HMCN1: variants seen among roughly 807,000 people sequenced by gnomAD.
The protein encoded by HMCN1 is hemicentin 1, also known as hemicentin-1.
A neutral mutation model predicts 625.9 loss-of-function variants in HMCN1; 321 were observed. The observed-to-expected ratio is 0.51, with a 90% CI of 0.47 to 0.56. HMCN1 has a LOEUF of 0.56. Ranked by LOEUF, HMCN1 falls within the 20% of genes least tolerant of loss-of-function variation. The pLI, the probability that HMCN1 is intolerant of heterozygous loss-of-function variation, is 0.00. For synonymous variants in HMCN1, 2,425 were observed against 2,417.6 expected, an observed-to-expected ratio of 1.00 and a Z score of -0.09; for missense variants, 6,588 against 6,887.3, an observed-to-expected ratio of 0.96 and a Z score of 1.54.
Position 185,744,787 on chromosome 1 carries a change from A to G in HMCN1, c.268+9740A>G, listed in dbSNP as rs140417897. On this transcript the variant is annotated intron_variant, in intron 1 of 106. Coordinates refer to ENST00000271588, the MANE Select transcript of HMCN1 (RefSeq NM_031935.3). ...ATGAATAAAAGCAGTTTAATCAAAC[A>G]TTGAGGAGTTTGGATTTCATCCTGA... 9.2e-5 allele frequency among the ~76,000 whole-genome samples: 14 copies of G among 151,892 alleles called. No homozygotes were observed. The East Asian group carries it at 2.5e-3, about 27-fold the overall frequency.
chr1:186,027,167 C>T (rs1417220386), intron 36 of HMCN1, among the ~76,000 whole-genome samples: 6 of 152,118 alleles, frequency 3.9e-5, no homozygotes, highest in East Asian at 1.9e-4. Flanking sequence ...TAGGAGACCA[C>T]GTCATGATCA....
intron 6 of HMCN1, among the ~76,000 whole-genome samples, chr1:185,915,259 T>G (rs531222859): frequency 6.6e-6 from 1 of 152,088 alleles, no homozygotes; most frequent in African/African-American, 2.4e-5. Context: ...TGTTTTATGC[T>G]CCTAAATTTC....
chr1:185,818,694 A>G (rs1471706288), intron 1 of HMCN1, among the ~76,000 whole-genome samples: 1 of 152,148 alleles, frequency 6.6e-6, no homozygotes, highest in Non-Finnish European at 1.5e-5. Context: ...TTTTCATAAG[A>G]ATTAAAGTGA....
At chr1:186,147,476 AT>A (rs1453803418) in intron 93 of HMCN1, among the ~76,000 whole-genome samples, 2 of 151,316 alleles carry the variant, frequency 1.3e-5, no homozygotes, top group Non-Finnish European at 2.9e-5. Context: ...CTGAATCATC[AT>A]GAAAAAATGT....
At chr1:186,053,300 A>G (rs903386740) in intron 43 of HMCN1, among the ~76,000 whole-genome samples, 1 of 151,980 alleles carries the variant, frequency 6.6e-6, no homozygotes, top group African/African-American at 2.4e-5. Flanking sequence ...GAAAAAAATA[A>G]TTTTCTGCAT....
intron 36 of HMCN1, among the ~76,000 whole-genome samples, chr1:186,029,948 C>G (rs1015107820): frequency 4.6e-5 from 7 of 152,018 alleles, no homozygotes; most frequent in Non-Finnish European, 1.0e-4. Context: ...AAAATATTAT[C>G]TGTCATGTGA....
At position 186,005,160 on chromosome 1, in the gene HMCN1, AT is replaced by A. The variant is rs1226272781; in HGVS notation, c.4475+1322del. Among the ~76,000 whole-genome samples, 5 of 148,252 alleles carry A rather than the reference AT, an allele frequency of 3.4e-5. 1 individual carries two copies. Among genetic ancestry groups the A allele is most frequent in the Non-Finnish European group, 6.0e-5 (4 of 67,034 alleles). ...AATTGTTTATAAATGTTTATAAACAATTTTTTAATTGTTTATAAATGTTTAT... is the reference window on the plus strand; with the variant it reads ...AATTGTTTATAAATGTTTATAAACAATTTTTAATTGTTTATAAATGTTTAT... On this transcript the variant is annotated intron_variant, in intron 29 of 106. Transcript: ENST00000271588.
At chr1:186,052,344 A>G (rs1657011643) in intron 42 of HMCN1, among the ~76,000 whole-genome samples, 1 of 152,008 alleles carries the variant, frequency 6.6e-6, no homozygotes, top group African/African-American at 2.4e-5. Flanking sequence ...CCTTAAGGAG[A>G]GTTCAGCCAG....
intron 1 of HMCN1, among the ~76,000 whole-genome samples, chr1:185,797,965 C>CAAA (rs35031310): frequency 0.019 from 259 of 13,638 alleles, 61 homozygotes; most frequent in South Asian, 0.08. Flanking sequence ...GACTCCGTCT[C>CAAA]AAAAAAAAAA....
intron 1 of HMCN1, among the ~76,000 whole-genome samples, chr1:185,746,364 A>G (rs1245674875): frequency 6.6e-6 from 1 of 152,196 alleles, no homozygotes; most frequent in Non-Finnish European, 1.5e-5. Context: ...CTATCACAAA[A>G]TGTGTGACTT....
chr1:185,883,595 G>A (rs750128369), intron 4 of HMCN1, among the ~76,000 whole-genome samples: 7 of 151,982 alleles, frequency 4.6e-5, no homozygotes, highest in Admixed American at 6.5e-5. Flanking sequence ...TTTACTTAGC[G>A]CATCTGATTT....
intron 14 of HMCN1, 91 bp from the exon 15 acceptor site, chr1:185,970,244 C>G (rs1166999936): frequency 1.6e-6 from 2 of 1,251,494 alleles, no homozygotes; most frequent in Non-Finnish European, 2.3e-6. Flanking sequence ...TTGCAATCAA[C>G]TTTATTTGGA....
chr1:185,890,302 C>T lies in HMCN1; in HGVS notation c.622-19035C>T, dbSNP rs1246207620. Among the ~76,000 whole-genome samples the T allele has an allele frequency of 2.0e-5, 3 of 148,194 alleles. 1 individual carries two copies. Among genetic ancestry groups the T allele is most frequent in the African/African-American group, 5.3e-5 (2 of 37,628 alleles). On this transcript the variant is annotated intron_variant, in intron 4 of 106. Coordinates refer to ENST00000271588, the MANE Select transcript of HMCN1 (RefSeq NM_031935.3). Reference sequence around the variant, plus strand: ...ATTTTTTGAAAGGTTTTTTGTGTCTCAATTTCCTTCAGTTCTGCTCTGATT... The same window carrying T: ...ATTTTTTGAAAGGTTTTTTGTGTCTTAATTTCCTTCAGTTCTGCTCTGATT...
At chr1:185,935,831 A>G (rs1667786280) in intron 11 of HMCN1, among the ~76,000 whole-genome samples, 1 of 152,170 alleles carries the variant, frequency 6.6e-6, no homozygotes, top group Non-Finnish European at 1.5e-5. Flanking sequence ...TTATGGTTGA[A>G]TGTACTATAG....
intron 16 of HMCN1, among the ~76,000 whole-genome samples, chr1:185,980,350 TTA>T (rs1651528784): frequency 6.6e-6 from 1 of 152,156 alleles, no homozygotes; most frequent in Admixed American, 6.6e-5. Flanking sequence ...TGTGCAATTA[TTA>T]CTAAAGTTCT....
chr1:185,879,680 A>C (rs888939576), intron 4 of HMCN1, among the ~76,000 whole-genome samples: 1 of 152,140 alleles, frequency 6.6e-6, no homozygotes, highest in Admixed American at 6.5e-5. Context: ...GGAGCATCTG[A>C]GTAAAGAGGC....
rs151229615 is a variant in HMCN1, at chr1:186,018,621, C to T, written c.5470+269C>T. 3.0e-4 allele frequency among the ~76,000 whole-genome samples: 45 copies of T among 151,950 alleles called. 1 individual carries two copies. In the East Asian group the frequency reaches 7.7e-3, roughly 26 times the overall value. On this transcript the variant is annotated intron_variant, in intron 34 of 106. Coordinates refer to ENST00000271588, the MANE Select transcript of HMCN1 (RefSeq NM_031935.3). ...TAAATAAATGTAGACAGAATTTAAA[C>T]GTTAGGAAGTGTGTTCTACATAGAA...
chr1:186,062,106 A>G, intron 47 of HMCN1, 142 bp downstream of exon 47: 1 of 615,780 alleles, frequency 1.6e-6, no homozygotes, highest in Non-Finnish European at 2.9e-6. Flanking sequence ...ATTCAATATC[A>G]GAATTGTTTG....
rs531145956 is a variant in HMCN1 at position 186,038,853 on chromosome 1, G to A, written c.5876G>A (p.Arg1959His). The A allele has an allele frequency of 6.9e-6, 11 of 1,603,386 alleles. No homozygotes were observed. The highest frequency in any genetic ancestry group is 9.4e-6 in the Non-Finnish European group (11 of 1,170,542). The change falls in exon 38 of 107, where the codon CGT (arginine) becomes CAT (histidine). Residue 1959 changes from arginine (R) to histidine (H), a missense_variant. This residue lies in a region of HMCN1 where 4,628 missense variants were observed against 4,853.1 expected (regional missense o/e 0.95). Transcript: ENST00000271588. ...GTTATTACATGGTACAAAGATAATC[G>A]TCTACTCTCAGGTTCCACCAGCATG... The part of the protein sequence containing the change: ...VPVITWYKDN[R>H]LLSGSTSMTF...
Sources: gnomAD v4.1 joint callset for allele counts (sites outside exome capture counted in the v4.1 genomes callset) on GRCh38, gnomAD v4.1.1 for gene constraint, gnomAD v4.1.1 regional missense constraint, MANE v1.5 for transcripts, NCBI Gene and HGNC (gene_info 2026-07-23, HGNC 2026-07-21) for gene names.